Variants in TMEM232 observed in about 807,000 individuals in gnomAD.
TMEM232 encodes the protein transmembrane protein 232.
Under a neutral mutation model 78.8 loss-of-function variants are expected in TMEM232, and 80 were observed. The observed-to-expected ratio is 1.01, with a 90% CI of 0.85 to 1.22. TMEM232 has a LOEUF of 1.22. Among genes scored for constraint, TMEM232 ranks in the 50% most tolerant of loss-of-function variants. The pLI is 0.00. For synonymous variants in TMEM232, 297 were observed against 254.3 expected (o/e 1.17, Z -1.60); for missense variants, 881 against 742.2 (o/e 1.19, Z -2.17).
chr5:110,408,254 T>A (rs1410123023), intron 2 of TMEM232, among the ~76,000 whole-genome samples: 1 of 151,640 alleles, frequency 6.6e-6, no homozygotes, highest in East Asian at 1.9e-4. Flanking sequence ...AGAAGGAAAA[T>A]AATAATAAAG....
intron 12 of TMEM232, among the ~76,000 whole-genome samples, chr5:110,430,651 G>A (rs1757728710): frequency 6.6e-6 from 1 of 151,556 alleles, no homozygotes; most frequent in East Asian, 1.9e-4. Flanking sequence ...GGTCACTAGT[G>A]TCATAATCAT....
chr5:110,430,043 G>A (rs1373716086), intron 12 of TMEM232: 1 of 151,530 alleles, frequency 6.6e-6, no homozygotes, highest in Non-Finnish European at 1.5e-5. Context: ...AGAAGAGAAT[G>A]ATAGTAGAAA....
At chr5:110,573,707 G>A (rs576352025) in intron 10 of TMEM232, among the ~76,000 whole-genome samples, 34 of 152,160 alleles carry the variant, frequency 2.2e-4, no homozygotes, top group African/African-American at 6.0e-4. Flanking sequence ...GACAGAATGA[G>A]AGCAAAACTT....
chr5:110,642,634 G>A (rs1005599498), intron 2 of TMEM232, among the ~76,000 whole-genome samples: 1 of 152,054 alleles, frequency 6.6e-6, no homozygotes, highest in Non-Finnish European at 1.5e-5. Flanking sequence ...ATGACTGCTA[G>A]AAGTCTTGTT....
chr5:110,730,951 C>T (rs1159230170), upstream of TMEM232, among the ~76,000 whole-genome samples: 1 of 152,156 alleles, frequency 6.6e-6, no homozygotes, highest in African/African-American at 2.4e-5. Flanking sequence ...AGTCCAAAGT[C>T]TCATCTGCAA....
intron 2 of TMEM232, among the ~76,000 whole-genome samples, chr5:110,407,955 TTAAAC>T (rs1755852273): frequency 6.6e-6 from 1 of 151,996 alleles, no homozygotes; most frequent in Non-Finnish European, 1.5e-5. Context: ...ACCTTGGAAA[TTAAAC>T]AGCATGCTCC....
chr5:110,577,864 CT>C (rs34532182), intron 10 of TMEM232, among the ~76,000 whole-genome samples: 1 of 151,608 alleles, frequency 6.6e-6, no homozygotes, highest in East Asian at 1.9e-4. Context: ...ACACTGGGGC[CT>C]TTTTGGAGGG....
At chr5:110,649,410 CAT>C (rs1369742183) in intron 2 of TMEM232, among the ~76,000 whole-genome samples, 48 of 152,090 alleles carry the variant, frequency 3.2e-4, no homozygotes, top group African/African-American at 1.1e-3. Context: ...TATTTATGTT[CAT>C]ATAGTCTTCT....
At chr5:110,421,950 G>A (rs560151222) in intron 13 of TMEM232, among the ~76,000 whole-genome samples, 3 of 152,130 alleles carry the variant, frequency 2.0e-5, no homozygotes, top group African/African-American at 7.2e-5. Context: ...TCATATGTTC[G>A]GTTTCTCAGG....
At chr5:110,707,617 T>TG (rs1796059014) in intron 1 of TMEM232, among the ~76,000 whole-genome samples, 1 of 152,176 alleles carries the variant, frequency 6.6e-6, no homozygotes, top group Non-Finnish European at 1.5e-5. Context: ...CAACAACTAG[T>TG]GTTGGGTTGG....
At chr5:110,443,455 A>G (rs1030691647) in intron 12 of TMEM232, among the ~76,000 whole-genome samples, 5 of 152,192 alleles carry the variant, frequency 3.3e-5, no homozygotes, top group African/African-American at 1.2e-4. Context: ...GAATTATCCC[A>G]CGCCTAGGAC....
chr5:110,734,692 G>C (rs1798992725), intron 2 of TMEM232, among the ~76,000 whole-genome samples: 1 of 152,130 alleles, frequency 6.6e-6, no homozygotes, highest in South Asian at 2.1e-4. Context: ...TAAGTGTGTA[G>C]ATGTTAAATA....
chr5:110,696,186 G>A (rs1055262254), intron 1 of TMEM232, among the ~76,000 whole-genome samples: 3 of 152,136 alleles, frequency 2.0e-5, no homozygotes, highest in African/African-American at 7.2e-5. Context: ...CATATAAAGA[G>A]AACCAAAGAC....
At chr5:110,649,455 C>A (rs1409967208) in intron 2 of TMEM232, among the ~76,000 whole-genome samples, 1 of 151,972 alleles carries the variant, frequency 6.6e-6, no homozygotes, top group African/African-American at 2.4e-5. Context: ...AAAAAATATA[C>A]AAGTGTTTAT....
chr5:110,500,199 G>A (rs943220590), intron 12 of TMEM232, among the ~76,000 whole-genome samples: 9 of 143,502 alleles, frequency 6.3e-5, no homozygotes, highest in African/African-American at 1.6e-4. Flanking sequence ...GGCTGAGGCA[G>A]AAGAATCATT....
intron 1 of TMEM232, among the ~76,000 whole-genome samples, chr5:110,669,939 T>C (rs1200368346): frequency 6.6e-6 from 1 of 152,158 alleles, no homozygotes; most frequent in Non-Finnish European, 1.5e-5. Context: ...CAACCCTTCA[T>C]GCTAAAAACT....
intron 11 of TMEM232, among the ~76,000 whole-genome samples, chr5:110,555,466 A>T (rs1269922566): frequency 1.3e-5 from 2 of 152,188 alleles, no homozygotes; most frequent in Admixed American, 6.5e-5. Context: ...AGATAAGAAG[A>T]ATGTATATTC....
intron 1 of TMEM232, among the ~76,000 whole-genome samples, chr5:110,713,977 T>C (rs976512674): frequency 6.6e-6 from 1 of 152,200 alleles, no homozygotes; most frequent in African/African-American, 2.4e-5. Context: ...TAATGGTCAG[T>C]TGAAGAATTC....
intron 10 of TMEM232, among the ~76,000 whole-genome samples, chr5:110,575,540 A>G (rs1777475735): frequency 6.6e-6 from 1 of 152,088 alleles, no homozygotes; most frequent in South Asian, 2.1e-4. Flanking sequence ...GACTAGAAGC[A>G]GCTAAGGTGT....
Sources: gnomAD v4.1 joint callset for allele counts (sites outside exome capture counted in the v4.1 genomes callset) on GRCh38, gnomAD v4.1.1 for gene constraint, MANE v1.5 for transcripts, NCBI Gene and HGNC (gene_info 2026-07-23, HGNC 2026-07-21) for gene names.